The following RBFOX1 variants were observed in gnomAD, a reference collection of about 807,000 sequenced individuals.
The protein encoded by RBFOX1 is RNA binding protein fox-1 homolog 1.
Under a neutral mutation model 57.7 loss-of-function variants are expected in RBFOX1, and 8 were observed. The ratio of observed to expected loss-of-function variants is 0.14; its 90% CI spans 0.08 to 0.25. RBFOX1 has a LOEUF of 0.25. Ranked by LOEUF, RBFOX1 falls within the 10% of genes least tolerant of loss-of-function variation. The probability of loss-of-function intolerance (pLI) is 1.00; values close to 1 mark genes in which losing one functional copy is unlikely to be tolerated. For missense variants in RBFOX1, 611 were observed against 548.5 expected (o/e 1.11, Z -1.14); for synonymous variants, 326 against 222.4 (o/e 1.47, Z -4.15).
At chr16:7,676,886 A>C in intron 14 of RBFOX1, 48 bp downstream of exon 14, 3 of 1,520,414 alleles carry the variant, frequency 2.0e-6, no homozygotes, top group Non-Finnish European at 2.7e-6. Context: ...AAATTAACTT[A>C]GTTGATGGGA....
At chr16:7,699,429 C>T (rs1331804174) in intron 14 of RBFOX1, among the ~76,000 whole-genome samples, 1 of 152,116 alleles carries the variant, frequency 6.6e-6, no homozygotes, top group African/African-American at 2.4e-5. Context: ...TGGCCTCAAG[C>T]CATCCTGCCC....
chr16:6,058,690 C>T (rs1201801686), intron 1 of RBFOX1, among the ~76,000 whole-genome samples: 1 of 149,496 alleles, frequency 6.7e-6, no homozygotes, highest in Non-Finnish European at 1.5e-5. Context: ...CCAATCCATT[C>T]ACTCATCCAT....
At chr16:5,816,973 C>G (rs1319447378) in intron 3 of RBFOX1, among the ~76,000 whole-genome samples, 1 of 152,038 alleles carries the variant, frequency 6.6e-6, no homozygotes. Flanking sequence ...GGGATCCAAA[C>G]AAAAATATTT....
chr16:7,653,891 C>A lies in RBFOX1; in HGVS notation c.834C>A (p.Thr278=). 6.2e-7 allele frequency: 1 copy of A among 1,600,600 alleles called. No homozygotes were observed. Among genetic ancestry groups the A allele is most frequent in the South Asian group, 1.1e-5 (1 of 90,858 alleles). The change falls in exon 12 of 16, where the codon ACC becomes ACA. Residue 278 remains threonine (T), a synonymous_variant. Transcript: ENST00000550418. ...CGCACCTGCGAGGCCGCGGTCGCAC[C>A]GTGTACAACACCTTCAGGGCCGCGG... is the stretch of plus-strand genomic sequence containing the variant. The part of the protein sequence containing the change: ...RGAHLRGRGR[T]VYNTFRAAAP...
chr16:7,121,848 C>T (rs1007845372), intron 4 of RBFOX1, among the ~76,000 whole-genome samples: 2 of 151,794 alleles, frequency 1.3e-5, no homozygotes, highest in Non-Finnish European at 2.9e-5. Flanking sequence ...ATCAACTGGA[C>T]AAAATAGAGA....
At chr16:5,869,693 G>A (rs1023781698) in intron 4 of RBFOX1, among the ~76,000 whole-genome samples, 4 of 152,188 alleles carry the variant, frequency 2.6e-5, no homozygotes, top group Admixed American at 6.5e-5. Flanking sequence ...ATGAGCCACC[G>A]CGCCCGGCTG....
chr16:6,869,263 T>C (rs2060460552), intron 3 of RBFOX1, among the ~76,000 whole-genome samples: 1 of 152,204 alleles, frequency 6.6e-6, no homozygotes, highest in Non-Finnish European at 1.5e-5. Context: ...GGTGTCAATA[T>C]GTTTCTCATA....
intron 1 of RBFOX1, among the ~76,000 whole-genome samples, chr16:6,068,792 A>T (rs1045940796): frequency 3.3e-5 from 5 of 152,094 alleles, no homozygotes; most frequent in African/African-American, 1.2e-4. Context: ...AAAACTTTCT[A>T]ATTTTAAGTT....
At chr16:6,076,206 G>A (rs541945523) in intron 1 of RBFOX1, among the ~76,000 whole-genome samples, 6 of 152,002 alleles carry the variant, frequency 3.9e-5, no homozygotes, top group Non-Finnish European at 8.8e-5. Context: ...GGCTGAGGCA[G>A]GAGAATTGCT....
chr16:6,625,241 A>G (rs2098288171), intron 2 of RBFOX1, among the ~76,000 whole-genome samples: 1 of 151,616 alleles, frequency 6.6e-6, no homozygotes, highest in South Asian at 2.1e-4. Context: ...TTCACAAACA[A>G]TTATTTAATT....
At chr16:6,823,482 A>G (rs967948804) in intron 3 of RBFOX1, among the ~76,000 whole-genome samples, 6 of 151,982 alleles carry the variant, frequency 3.9e-5, no homozygotes, top group African/African-American at 9.7e-5. Context: ...GTCTCAAACT[A>G]CTGGTCTCAG....
chr16:7,239,125 T>C (rs865970244), intron 4 of RBFOX1, among the ~76,000 whole-genome samples: 1 of 152,178 alleles, frequency 6.6e-6, no homozygotes, highest in African/African-American at 2.4e-5. Flanking sequence ...CTTTTTATTA[T>C]CATTTTCTCC....
intron 3 of RBFOX1, among the ~76,000 whole-genome samples, chr16:6,689,599 A>G (rs1409275420): frequency 6.6e-6 from 1 of 152,168 alleles, no homozygotes; most frequent in African/African-American, 2.4e-5. Flanking sequence ...TACTATAAAC[A>G]ATATCAAAGG....
intron 2 of RBFOX1, among the ~76,000 whole-genome samples, chr16:6,326,469 G>C (rs2082383626): frequency 6.6e-6 from 1 of 152,122 alleles, no homozygotes; most frequent in South Asian, 2.1e-4. Context: ...GAGTATCCTA[G>C]ATACAAGTAC....
intron 1 of RBFOX1, among the ~76,000 whole-genome samples, chr16:5,432,133 G>A (rs1376834520): frequency 6.6e-6 from 1 of 152,156 alleles, no homozygotes; most frequent in African/African-American, 2.4e-5. Flanking sequence ...GCCATGGGTG[G>A]TCTCTGTGGA....
intron 3 of RBFOX1, among the ~76,000 whole-genome samples, chr16:5,659,397 G>A (rs539150141): frequency 2.7e-5 from 4 of 148,958 alleles, no homozygotes; most frequent in Non-Finnish European, 4.4e-5. Context: ...TCTGCCTCCC[G>A]GGTTCACGTC....
chr16:7,398,285 G>A lies in RBFOX1; in HGVS notation c.28-119862G>A, dbSNP rs74012550. ...ATCTTATGTTTTTCTTTCCCTCTGGGTGACACTTACAGGATGCTTAAGTTT... is the reference window on the plus strand; with the variant it reads ...ATCTTATGTTTTTCTTTCCCTCTGGATGACACTTACAGGATGCTTAAGTTT... On this transcript the variant is annotated intron_variant, in intron 4 of 15. Transcript: ENST00000550418. Among the ~76,000 whole-genome samples, 45 of 152,172 alleles carry A rather than the reference G, an allele frequency of 3.0e-4. 1 individual carries two copies. In the East Asian group the frequency reaches 4.3e-3, roughly 14 times the overall value.
intron 4 of RBFOX1, among the ~76,000 whole-genome samples, chr16:7,095,399 CA>C (rs2061531638): frequency 6.6e-6 from 1 of 152,134 alleles, no homozygotes; most frequent in African/African-American, 2.4e-5. Flanking sequence ...CAGCCTCCCA[CA>C]GTGCTGGGAT....
At chr16:7,390,827 C>T (rs1458093784) in intron 4 of RBFOX1, among the ~76,000 whole-genome samples, 5 of 151,990 alleles carry the variant, frequency 3.3e-5, no homozygotes, top group Non-Finnish European at 5.9e-5. Context: ...AGGACAGATT[C>T]CAACAATCGA....
Sources: allele counts gnomAD v4.1 joint callset (sites outside exome capture counted in the v4.1 genomes callset), GRCh38; gene constraint gnomAD v4.1.1; transcripts MANE v1.5; gene names NCBI Gene and HGNC (gene_info 2026-07-23, HGNC 2026-07-21).